Variants in PPFIA2 observed in about 807,000 individuals in gnomAD.
The protein encoded by PPFIA2 is PPFI scaffold protein A2.
Under a neutral mutation model 175.5 loss-of-function variants are expected in PPFIA2, and 46 were observed. That is an observed-to-expected ratio of 0.26 (90% CI 0.21 to 0.34). PPFIA2 has a LOEUF of 0.34. Among genes scored for constraint, PPFIA2 ranks in the 10% least tolerant of loss-of-function variants. PPFIA2 has a pLI of 1.00. For synonymous variants in PPFIA2, 568 were observed against 511.4 expected, an observed-to-expected ratio of 1.11 and a Z score of -1.49; for missense variants, 1,179 against 1,506.1, an observed-to-expected ratio of 0.78 and a Z score of 3.60.
chr12:81,532,010 G>A (rs554530448), intron 4 of PPFIA2, among the ~76,000 whole-genome samples: 13 of 151,828 alleles, frequency 8.6e-5, no homozygotes, highest in Admixed American at 2.0e-4. Flanking sequence ...TTCCTAAAAG[G>A]TCAGCATGAT....
In PPFIA2 at chr12:81,544,652, A is replaced by G. The variant is rs568708845; in HGVS notation, c.304-86786T>C. On this transcript the variant is annotated intron_variant, in intron 4 of 32. Coordinates refer to ENST00000549396, the MANE Select transcript of PPFIA2 (RefSeq NM_003625.5). ...CACTATTCTTGAGATTCCACAGAGAACTGCATGCTTTTGCTATTAAAAGAC... is the reference window on the plus strand; with the variant it reads ...CACTATTCTTGAGATTCCACAGAGAGCTGCATGCTTTTGCTATTAAAAGAC... Among the ~76,000 whole-genome samples, 246 of 152,254 alleles carry G rather than the reference A, an allele frequency of 1.6e-3. 2 individuals are homozygous for G. The highest frequency in any genetic ancestry group is 5.4e-3 in the African/African-American group (224 of 41,562).
intron 24 of PPFIA2, among the ~76,000 whole-genome samples, chr12:81,284,939 A>G (rs1391071010): frequency 6.6e-6 from 1 of 152,178 alleles, no homozygotes; most frequent in African/African-American, 2.4e-5. Context: ...ATTTAATAAA[A>G]TGTATTTTTT....
chr12:81,561,128 G>A (rs2069974457), intron 4 of PPFIA2, among the ~76,000 whole-genome samples: 1 of 152,042 alleles, frequency 6.6e-6, no homozygotes, highest in Non-Finnish European at 1.5e-5. Context: ...ATTCATTTAA[G>A]ATAACAGCAT....
At chr12:81,437,726 T>C (rs771747445) in intron 7 of PPFIA2, among the ~76,000 whole-genome samples, 2 of 152,170 alleles carry the variant, frequency 1.3e-5, no homozygotes, top group African/African-American at 2.4e-5. Context: ...TTTTATCACA[T>C]ATAAAAATCA....
chr12:81,280,513 C>T (rs1397231553), intron 27 of PPFIA2, among the ~76,000 whole-genome samples: 1 of 151,964 alleles, frequency 6.6e-6, no homozygotes, highest in African/African-American at 2.4e-5. Context: ...TACAGTCTCC[C>T]AAGCCAAAAT....
chr12:81,440,237 T>C (rs576103182), intron 6 of PPFIA2, among the ~76,000 whole-genome samples, 191 bp from the exon 7 acceptor site: 37 of 152,268 alleles, frequency 2.4e-4, no homozygotes, highest in Middle Eastern at 3.4e-3. Flanking sequence ...TGTCACTGTA[T>C]CAAGGGATTT....
rs2065277164 is a variant in PPFIA2 at position 81,642,712 on chromosome 12, ATG to A, written c.303+34077_303+34078del. Among the ~76,000 whole-genome samples, 2 of 91,486 alleles carry A rather than the reference ATG, an allele frequency of 2.2e-5. 1 individual carries two copies. Among genetic ancestry groups the A allele is most frequent in the African/African-American group, 7.5e-5 (2 of 26,826 alleles). The allele number at this position is 91,486 out of a possible 152,430, so 60.0% of individuals were successfully genotyped here. On this transcript the variant is annotated intron_variant, in intron 4 of 32. Transcript: ENST00000549396. ...TATATACATACATGTATATGTATGT[ATG>A]TATTATATACATACATGTATATGTA...
chr12:81,482,688 G>A (rs186077161), intron 4 of PPFIA2, among the ~76,000 whole-genome samples: 316 of 152,220 alleles, frequency 2.1e-3, no homozygotes, highest in African/African-American at 7.3e-3. Flanking sequence ...GCTGAACAAT[G>A]AGAACACATG....
intron 7 of PPFIA2, among the ~76,000 whole-genome samples, chr12:81,416,263 C>T (rs1253951554): frequency 6.6e-6 from 1 of 151,496 alleles, no homozygotes. Context: ...GGTAGGAAAA[C>T]ACATTCTTAA....
chr12:81,623,128 T>C (rs529248212), intron 4 of PPFIA2, among the ~76,000 whole-genome samples: 2 of 152,216 alleles, frequency 1.3e-5, no homozygotes, highest in Non-Finnish European at 2.9e-5. Context: ...GGCATAATAA[T>C]GAATCTACAA....
At chr12:81,397,805 A>G (rs990125641) in intron 8 of PPFIA2, among the ~76,000 whole-genome samples, 7 of 152,026 alleles carry the variant, frequency 4.6e-5, no homozygotes, top group Non-Finnish European at 1.0e-4. Context: ...ACCACTCCCT[A>G]TCACTTGCAT....
chr12:81,511,079 T>A (rs1198164755), intron 4 of PPFIA2, among the ~76,000 whole-genome samples: 1 of 152,084 alleles, frequency 6.6e-6, no homozygotes, highest in Non-Finnish European at 1.5e-5. Flanking sequence ...AGATTTTCAT[T>A]GCAAGATACA....
At chr12:81,603,997 A>C (rs1334499008) in intron 4 of PPFIA2, among the ~76,000 whole-genome samples, 2 of 151,702 alleles carry the variant, frequency 1.3e-5, no homozygotes, top group African/African-American at 4.8e-5. Context: ...GGACAGGATT[A>C]TCAGATACAA....
At chr12:81,424,929 T>A (rs1400746380) in intron 7 of PPFIA2, 2 of 152,190 alleles carry the variant, frequency 1.3e-5, no homozygotes, top group Non-Finnish European at 2.9e-5. Context: ...AATGTATGCT[T>A]CTTGGAATAA....
At chr12:81,371,894 T>TAC (rs928831240) in intron 11 of PPFIA2, among the ~76,000 whole-genome samples, 47 of 146,976 alleles carry the variant, frequency 3.2e-4, no homozygotes, top group African/African-American at 3.0e-4. Flanking sequence ...GCTTTGCCTA[T>TAC]ACACACACAC....
chr12:81,309,787 G>A (rs1482694420), intron 22 of PPFIA2, among the ~76,000 whole-genome samples: 1 of 151,950 alleles, frequency 6.6e-6, no homozygotes, highest in Non-Finnish European at 1.5e-5. Flanking sequence ...TGAGTTGCGA[G>A]TTATGTAATC....
At chr12:81,340,953 G>A in intron 20 of PPFIA2, 125 bp downstream of exon 20, 5 of 1,053,594 alleles carry the variant, frequency 4.7e-6, no homozygotes, top group Non-Finnish European at 6.5e-6. Flanking sequence ...TACTGGGAAA[G>A]GGAAGCTGGA....
intron 27 of PPFIA2, 26 bp downstream of exon 27, chr12:81,281,230 TG>T: frequency 1.2e-5 from 17 of 1,476,680 alleles, no homozygotes; most frequent in African/African-American, 1.4e-5. Context: ...AATTATTCTT[TG>T]GGGAAAAAAA....
chr12:81,275,246 C>T (rs2040212228), intron 28 of PPFIA2, among the ~76,000 whole-genome samples: 1 of 152,200 alleles, frequency 6.6e-6, no homozygotes, highest in Non-Finnish European at 1.5e-5. Flanking sequence ...AAAGTGAAGT[C>T]AAACAACTCA....
Sources: allele counts gnomAD v4.1 joint callset (sites outside exome capture counted in the v4.1 genomes callset), GRCh38; gene constraint gnomAD v4.1.1; transcripts MANE v1.5; gene names NCBI Gene and HGNC (gene_info 2026-07-23, HGNC 2026-07-21).